The following RBFOX1 variants were observed in gnomAD, a reference collection of about 807,000 sequenced individuals.
RBFOX1 encodes RNA binding fox-1 homolog 1, also known as RNA binding protein fox-1 homolog 1.
A neutral mutation model predicts 57.7 loss-of-function variants in RBFOX1; 8 were observed. The observed-to-expected ratio is 0.14, with a 90% confidence interval of 0.08 to 0.25. RBFOX1 has a LOEUF of 0.25. RBFOX1 is among the 10% of genes least tolerant of loss of function. The pLI, the probability that RBFOX1 is intolerant of heterozygous loss-of-function variation, is 1.00. For synonymous variants in RBFOX1, 326 were observed against 222.4 expected (o/e 1.47, Z -4.15); for missense variants, 611 against 548.5 (o/e 1.11, Z -1.14).
At chr16:6,175,073 A>C (rs2152774475) in intron 1 of RBFOX1, among the ~76,000 whole-genome samples, 1 of 152,332 alleles carries the variant, frequency 6.6e-6, no homozygotes, top group African/African-American at 2.4e-5. Flanking sequence ...TATAAAGATA[A>C]AATGAGTTAT....
chr16:5,612,204 C>T (rs1186586370), intron 3 of RBFOX1, among the ~76,000 whole-genome samples: 1 of 91,420 alleles, frequency 1.1e-5, no homozygotes. Context: ...TTCATTCTCC[C>T]CTCCACTCTC....
At chr16:7,137,215 C>A (rs1396609159) in intron 4 of RBFOX1, among the ~76,000 whole-genome samples, 2 of 152,174 alleles carry the variant, frequency 1.3e-5, no homozygotes, top group African/African-American at 2.4e-5. Context: ...TTCTGGTGCA[C>A]ACTAGGAAGT....
chr16:6,612,584 G>T (rs1271206884), intron 2 of RBFOX1, among the ~76,000 whole-genome samples: 1 of 152,058 alleles, frequency 6.6e-6, no homozygotes, highest in Non-Finnish European at 1.5e-5. Flanking sequence ...GGGTGTAGTT[G>T]GTCACACCTG....
At chr16:6,453,357 G>A (rs1374537437) in intron 2 of RBFOX1, among the ~76,000 whole-genome samples, 1 of 152,116 alleles carries the variant, frequency 6.6e-6, no homozygotes, top group Non-Finnish European at 1.5e-5. Context: ...GTGAAAACAT[G>A]CGGTGTTTGG....
intron 4 of RBFOX1, among the ~76,000 whole-genome samples, chr16:5,896,273 T>G (rs2058161690): frequency 6.6e-6 from 1 of 152,154 alleles, no homozygotes; most frequent in Non-Finnish European, 1.5e-5. Flanking sequence ...TGCTGAAAGT[T>G]GATCCTAATG....
intron 3 of RBFOX1, among the ~76,000 whole-genome samples, chr16:5,862,359 C>A (rs2057241620): frequency 6.6e-6 from 1 of 152,150 alleles, no homozygotes; most frequent in Admixed American, 6.5e-5. Context: ...AATCTGGAGG[C>A]CTACCAGGGA....
intron 3 of RBFOX1, among the ~76,000 whole-genome samples, chr16:5,748,800 C>G (rs1165358906): frequency 6.6e-6 from 1 of 152,174 alleles, no homozygotes; most frequent in Non-Finnish European, 1.5e-5. Context: ...ATACAGCACA[C>G]TGATGGGTCT....
intron 3 of RBFOX1, among the ~76,000 whole-genome samples, chr16:5,630,259 C>A (rs1010546362): frequency 3.3e-5 from 5 of 152,098 alleles, no homozygotes; most frequent in Non-Finnish European, 7.3e-5. Flanking sequence ...GAGTTCGAGA[C>A]CAGCCTGGGC....
intron 4 of RBFOX1, among the ~76,000 whole-genome samples, chr16:5,912,241 A>G (rs1231681356): frequency 6.6e-6 from 1 of 152,148 alleles, no homozygotes; most frequent in Non-Finnish European, 1.5e-5. Context: ...CCTCTTAGGC[A>G]TTTATAGTGA....
chr16:7,093,070 C>T (rs1162851054), intron 4 of RBFOX1, among the ~76,000 whole-genome samples: 1 of 152,200 alleles, frequency 6.6e-6, no homozygotes, highest in Non-Finnish European at 1.5e-5. Flanking sequence ...TCTGTGTTTC[C>T]TATGAGTGCA....
At chr16:6,818,829 G>A (rs916164090) in intron 3 of RBFOX1, among the ~76,000 whole-genome samples, 27 of 152,112 alleles carry the variant, frequency 1.8e-4, no homozygotes, top group Admixed American at 6.5e-5. Context: ...TCCGTGCCTG[G>A]GCATATCGCC....
chr16:7,309,175 T>C lies in RBFOX1; in HGVS notation c.28-208972T>C, dbSNP rs149965654. 2.6e-5 allele frequency among the ~76,000 whole-genome samples: 4 copies of C among 152,306 alleles called. No individual in the cohort carries two copies. In the East Asian group the frequency reaches 5.8e-4, roughly 22 times the overall value. ...CTAGAGGGATGTCTTACGTCGTAAA[T>C]TGGTTAACCAATCTTTCTTGTTTCT... On this transcript the variant is annotated intron_variant, in intron 4 of 15. Coordinates refer to ENST00000550418, the MANE Select transcript of RBFOX1 (RefSeq NM_018723.4).
chr16:6,375,476 A>T (rs905281580), intron 2 of RBFOX1, among the ~76,000 whole-genome samples: 2 of 151,992 alleles, frequency 1.3e-5, no homozygotes, highest in African/African-American at 4.8e-5. Context: ...TATTTCTCTA[A>T]CATTTTTAGG....
At chr16:6,368,044 C>G (rs2089916142) in intron 2 of RBFOX1, among the ~76,000 whole-genome samples, 1 of 152,166 alleles carries the variant, frequency 6.6e-6, no homozygotes. Flanking sequence ...CTTTACGTGT[C>G]TTGGTCACCC....
chr16:7,027,546 C>G (rs1408578260), intron 3 of RBFOX1, among the ~76,000 whole-genome samples: 2 of 151,978 alleles, frequency 1.3e-5, no homozygotes, highest in Non-Finnish European at 2.9e-5. Context: ...AAATCACTCC[C>G]TGTGGTTTCT....
At chr16:7,602,838 CCAAA>C (rs1316983697) in intron 9 of RBFOX1, among the ~76,000 whole-genome samples, 2 of 152,112 alleles carry the variant, frequency 1.3e-5, no homozygotes. Flanking sequence ...TGTCAGGCCA[CCAAA>C]CAAGTCTCAA....
chr16:6,785,957 T>G (rs1223320912), intron 3 of RBFOX1, among the ~76,000 whole-genome samples: 8 of 152,214 alleles, frequency 5.3e-5, no homozygotes, highest in African/African-American at 1.9e-4. Flanking sequence ...ACTTCCCAGG[T>G]GGCACTTACC....
intron 3 of RBFOX1, among the ~76,000 whole-genome samples, chr16:6,939,619 C>T (rs937385509): frequency 1.1e-4 from 16 of 151,118 alleles, no homozygotes; most frequent in Admixed American, 2.6e-4. Flanking sequence ...TCACTTGATT[C>T]TCATGCCTCA....
chr16:7,471,579 T>G (rs1343919135), intron 4 of RBFOX1, among the ~76,000 whole-genome samples: 3 of 152,212 alleles, frequency 2.0e-5, no homozygotes, highest in Non-Finnish European at 4.4e-5. Context: ...GTCCTGCTAT[T>G]CCCTAATTTA....
Sources: gnomAD v4.1 joint callset for allele counts (sites outside exome capture counted in the v4.1 genomes callset) on GRCh38, gnomAD v4.1.1 for gene constraint, MANE v1.5 for transcripts, NCBI Gene and HGNC (gene_info 2026-07-23, HGNC 2026-07-21) for gene names.